Variants in KCNIP4 observed in about 807,000 individuals in gnomAD.
The protein encoded by KCNIP4 is Kv channel-interacting protein 4.
Under a neutral mutation model 34.0 loss-of-function variants are expected in KCNIP4, and 12 were observed. That is an observed-to-expected ratio of 0.35 (90% confidence interval 0.23 to 0.57). KCNIP4 has a LOEUF of 0.57. Ranked by LOEUF, KCNIP4 falls within the 20% of genes least tolerant of loss-of-function variation. The pLI is 0.83. For synonymous variants in KCNIP4, 124 were observed against 102.2 expected (o/e 1.21, Z -1.29); for missense variants, 238 against 311.7 (o/e 0.76, Z 1.78).
intron 4 of KCNIP4, 32 bp downstream of exon 4, chr4:20,758,789 T>G (rs370821396): frequency 1.3e-6 from 2 of 1,525,998 alleles, no homozygotes; most frequent in Admixed American, 1.7e-5. Context: ...GTAACTCTGA[T>G]AGTATGTTAA....
Position 21,516,549 on chromosome 4 carries a change from T to C in KCNIP4, c.61+432022A>G, listed in dbSNP as rs1022691501. The stretch of plus-strand genomic sequence containing the variant: ...TCTGTCAGAGTCACTAATCAATATT[T>C]AGGGTACTTATAAAAAGGAAAGGCT... On this transcript the variant is annotated intron_variant, in intron 1 of 8. Coordinates refer to ENST00000382152, the MANE Select transcript of KCNIP4 (RefSeq NM_025221.6). Among the ~76,000 whole-genome samples the C allele has an allele frequency of 1.9e-4, 29 of 152,176 alleles. 1 individual carries two copies. The highest frequency in any genetic ancestry group is 5.8e-4 in the African/African-American group (24 of 41,454).
chr4:21,651,549 G>A (rs1247339176), intron 1 of KCNIP4, among the ~76,000 whole-genome samples: 1 of 152,110 alleles, frequency 6.6e-6, no homozygotes, highest in Non-Finnish European at 1.5e-5. Context: ...TGTGCAATTG[G>A]GTGACCAAGC....
chr4:20,828,612 G>A (rs1044689539), intron 3 of KCNIP4, among the ~76,000 whole-genome samples: 10 of 152,140 alleles, frequency 6.6e-5, no homozygotes, highest in Non-Finnish European at 1.5e-4. Context: ...CCTCTGCAAT[G>A]GAATGGGAAC....
At chr4:21,761,364 G>C (rs1255508985) in intron 1 of KCNIP4, among the ~76,000 whole-genome samples, 1 of 152,028 alleles carries the variant, frequency 6.6e-6, no homozygotes, top group Non-Finnish European at 1.5e-5. Context: ...AGGCCTGTTT[G>C]ATGAAGAAAT....
At chr4:20,744,627 G>A (rs1053173619) in intron 5 of KCNIP4, among the ~76,000 whole-genome samples, 16 of 152,016 alleles carry the variant, frequency 1.1e-4, no homozygotes, top group Admixed American at 2.0e-4. Flanking sequence ...AGGGGTCAGG[G>A]GGATGGGGGA....
At chr4:20,797,363 G>A (rs1349645336) in intron 3 of KCNIP4, among the ~76,000 whole-genome samples, 1 of 152,160 alleles carries the variant, frequency 6.6e-6, no homozygotes, top group Non-Finnish European at 1.5e-5. Flanking sequence ...GAGAATAATA[G>A]TACACCCTTG....
intron 1 of KCNIP4, among the ~76,000 whole-genome samples, chr4:21,313,148 G>GT (rs1382130137): frequency 6.6e-6 from 1 of 152,206 alleles, no homozygotes; most frequent in Non-Finnish European, 1.5e-5. Flanking sequence ...ATGAACTCAT[G>GT]TAAGATGCAA....
At chr4:20,805,502 G>A (rs547538136) in intron 3 of KCNIP4, among the ~76,000 whole-genome samples, 27 of 151,958 alleles carry the variant, frequency 1.8e-4, no homozygotes, top group African/African-American at 6.5e-4. Context: ...AGAATTTGAG[G>A]TTTGGGTTGG....
chr4:21,153,076 C>T (rs187936615), intron 1 of KCNIP4, among the ~76,000 whole-genome samples: 49 of 152,222 alleles, frequency 3.2e-4, no homozygotes, highest in African/African-American at 1.2e-3. Flanking sequence ...GTTGCCATTA[C>T]AAACAATATC....
intron 1 of KCNIP4, among the ~76,000 whole-genome samples, chr4:21,244,173 C>T (rs542620579): frequency 2.6e-5 from 4 of 152,194 alleles, no homozygotes; most frequent in South Asian, 2.1e-4. Context: ...ATTGAGGGTA[C>T]ACGTGAAATT....
intron 1 of KCNIP4, among the ~76,000 whole-genome samples, chr4:21,696,139 A>C (rs915138236): frequency 4.6e-5 from 7 of 152,178 alleles, no homozygotes; most frequent in African/African-American, 1.7e-4. Flanking sequence ...TAGGATGTTA[A>C]CAATCCTCTT....
chr4:21,688,512 A>G (rs1183579642), intron 1 of KCNIP4, among the ~76,000 whole-genome samples: 1 of 152,204 alleles, frequency 6.6e-6, no homozygotes, highest in Non-Finnish European at 1.5e-5. Flanking sequence ...ACTAGTAATT[A>G]AATGCTGAAC....
At chr4:21,921,654 CCT>C (rs1728946343) in intron 1 of KCNIP4, among the ~76,000 whole-genome samples, 1 of 152,096 alleles carries the variant, frequency 6.6e-6, no homozygotes, top group African/African-American at 2.4e-5. Flanking sequence ...ATCCTTCTTT[CCT>C]CTCAGTCCAC....
chr4:21,171,846 C>A (rs997932595), intron 1 of KCNIP4, among the ~76,000 whole-genome samples: 1 of 152,176 alleles, frequency 6.6e-6, no homozygotes, highest in Admixed American at 6.5e-5. Flanking sequence ...GCCTCCAAGA[C>A]ACAAGGAGTC....
intron 1 of KCNIP4, among the ~76,000 whole-genome samples, chr4:21,191,245 A>G (rs1183937043): frequency 2.0e-5 from 3 of 152,202 alleles, no homozygotes; most frequent in Non-Finnish European, 4.4e-5. Context: ...AACCTTGTGT[A>G]TTTGATAGCA....
At chr4:21,411,621 C>T (rs1482053398) in intron 1 of KCNIP4, among the ~76,000 whole-genome samples, 1 of 151,998 alleles carries the variant, frequency 6.6e-6, no homozygotes, top group Non-Finnish European at 1.5e-5. Context: ...TTGAGACCAG[C>T]CTGGACAACA....
chr4:21,088,701 A>C (rs554819865), intron 1 of KCNIP4, among the ~76,000 whole-genome samples: 1 of 152,078 alleles, frequency 6.6e-6, no homozygotes, highest in African/African-American at 2.4e-5. Context: ...TTAACTCCTC[A>C]TCTTTTGGGT....
chr4:21,498,708 T>C (rs1733053507), intron 1 of KCNIP4, among the ~76,000 whole-genome samples: 1 of 152,138 alleles, frequency 6.6e-6, no homozygotes, highest in Non-Finnish European at 1.5e-5. Flanking sequence ...TACAACAACT[T>C]GAAGGCACAG....
chr4:21,282,950 C>T (rs1302750952), intron 1 of KCNIP4, among the ~76,000 whole-genome samples: 4 of 152,150 alleles, frequency 2.6e-5, no homozygotes, highest in Non-Finnish European at 5.9e-5. Context: ...CCGTCAACTG[C>T]TGAATGGTTA....
Sources: allele counts gnomAD v4.1 joint callset (sites outside exome capture counted in the v4.1 genomes callset), GRCh38; gene constraint gnomAD v4.1.1; transcripts MANE v1.5; gene names NCBI Gene and HGNC (gene_info 2026-07-23, HGNC 2026-07-21).